Variants in ARHGAP22 observed in about 807,000 individuals in gnomAD.
ARHGAP22 encodes the protein Rho GTPase activating protein 22.
ARHGAP22 carries 48 observed loss-of-function variants against 59.1 expected under a neutral mutation model. The ratio of observed to expected loss-of-function variants is 0.81; its 90% CI spans 0.64 to 1.03. ARHGAP22 has a LOEUF of 1.03. Ranked by LOEUF, ARHGAP22 falls within the 50% of genes least tolerant of loss-of-function variation. The pLI is 0.00. For synonymous variants in ARHGAP22, 445 were observed against 416.4 expected (o/e 1.07, Z -0.84); for missense variants, 1,015 against 958.7 (o/e 1.06, Z -0.78).
chr10:48,517,739 G>T (rs1208972446), intron 3 of ARHGAP22, among the ~76,000 whole-genome samples: 1 of 152,150 alleles, frequency 6.6e-6, no homozygotes, highest in Non-Finnish European at 1.5e-5. Flanking sequence ...GCAGGTAGGA[G>T]GGGGTGCCGG....
intron 3 of ARHGAP22, among the ~76,000 whole-genome samples, chr10:48,495,393 G>A (rs2050811299): frequency 6.6e-6 from 1 of 152,238 alleles, no homozygotes. Context: ...ATTTACAGAT[G>A]AGAACACAGA....
chr10:48,497,163 T>G (rs1034008917), intron 3 of ARHGAP22, among the ~76,000 whole-genome samples: 10 of 152,148 alleles, frequency 6.6e-5, no homozygotes, highest in African/African-American at 2.4e-4. Flanking sequence ...TGCCTGCACA[T>G]ACAGGGCTAG....
At chr10:48,498,182 G>A (rs1488232703) in intron 3 of ARHGAP22, among the ~76,000 whole-genome samples, 3 of 152,110 alleles carry the variant, frequency 2.0e-5, no homozygotes, top group Non-Finnish European at 4.4e-5. Flanking sequence ...GTGGTGAAAG[G>A]AGAAAGCTGG....
chr10:48,477,554 G>A (rs965157604), intron 4 of ARHGAP22, among the ~76,000 whole-genome samples: 2 of 152,210 alleles, frequency 1.3e-5, no homozygotes, highest in African/African-American at 4.8e-5. Context: ...ACACAGGTGT[G>A]CACAGCATCA....
chr10:48,488,801 CATGGCTCA>C (rs2050095528), intron 3 of ARHGAP22, among the ~76,000 whole-genome samples: 1 of 152,076 alleles, frequency 6.6e-6, no homozygotes, highest in African/African-American at 2.4e-5. Context: ...GTGACGAGTG[CATGGCTCA>C]ATTCTCAAGG....
At chr10:48,585,257 A>C (rs1223186018) in intron 1 of ARHGAP22, among the ~76,000 whole-genome samples, 1 of 152,176 alleles carries the variant, frequency 6.6e-6, no homozygotes, top group Non-Finnish European at 1.5e-5. Flanking sequence ...CATTTGCTTG[A>C]TACACTGCTT....
intron 1 of ARHGAP22, among the ~76,000 whole-genome samples, chr10:48,648,969 T>C (rs937417338): frequency 6.6e-6 from 1 of 152,054 alleles, no homozygotes; most frequent in African/African-American, 2.4e-5. Flanking sequence ...TATGGAGAGA[T>C]GGAAGGGCCA....
intron 2 of ARHGAP22, among the ~76,000 whole-genome samples, chr10:48,574,313 G>A (rs1355036251): frequency 1.3e-5 from 2 of 152,162 alleles, no homozygotes; most frequent in African/African-American, 2.4e-5. Context: ...GTACCGCTAG[G>A]TGATAGGAAA....
At chr10:48,652,287 A>G in exon 1 of ARHGAP22, 1 of 1,535,724 alleles carries the variant, frequency 6.5e-7, no homozygotes, top group Non-Finnish European at 8.7e-7. Context: ...CGGCAGCATA[A>G]TGAAGCTGGC....
At chr10:48,453,795 C>A (rs1006284238) in intron 7 of ARHGAP22, among the ~76,000 whole-genome samples, 11 of 152,148 alleles carry the variant, frequency 7.2e-5, no homozygotes, top group African/African-American at 2.7e-4. Flanking sequence ...GGGGCAGATG[C>A]CGGGGGGACA....
intron 1 of ARHGAP22, among the ~76,000 whole-genome samples, chr10:48,602,699 C>T (rs2060456770): frequency 6.6e-6 from 1 of 152,138 alleles, no homozygotes; most frequent in African/African-American, 2.4e-5. Flanking sequence ...AATGATGTCC[C>T]CGAACAGAAA....
chr10:48,543,425 C>T (rs2056150954), intron 3 of ARHGAP22, among the ~76,000 whole-genome samples: 1 of 152,164 alleles, frequency 6.6e-6, no homozygotes, highest in Non-Finnish European at 1.5e-5. Flanking sequence ...GGTGGCTCAC[C>T]CACTCTGCTC....
At chr10:48,652,340 AC>A in exon 1 of ARHGAP22, 1 of 1,436,526 alleles carries the variant, frequency 7.0e-7, no homozygotes, top group Non-Finnish European at 9.5e-7. Flanking sequence ...TAAAGAACCA[AC>A]CACATCCTCA....
the ARHGAP22 span, chr10:48,431,195 T>A: frequency 6.3e-7 from 1 of 1,596,672 alleles, no homozygotes; most frequent in Admixed American, 1.7e-5. Flanking sequence ...TTTTACAGAA[T>A]TGATATATAA....
intron 1 of ARHGAP22, among the ~76,000 whole-genome samples, chr10:48,596,591 C>T (rs1028153293): frequency 3.3e-5 from 5 of 152,168 alleles, no homozygotes; most frequent in African/African-American, 1.2e-4. Flanking sequence ...GCTCCACTTC[C>T]AGGCTTTTCA....
At chr10:48,518,941 C>T (rs1589894415) in intron 3 of ARHGAP22, among the ~76,000 whole-genome samples, 2 of 152,336 alleles carry the variant, frequency 1.3e-5, no homozygotes, top group Admixed American at 1.3e-4. Flanking sequence ...GCCCGATTAG[C>T]TTTGGCCAAT....
chr10:48,528,887 A>T (rs2054573783), intron 3 of ARHGAP22, among the ~76,000 whole-genome samples: 1 of 152,102 alleles, frequency 6.6e-6, no homozygotes, highest in Non-Finnish European at 1.5e-5. Flanking sequence ...CCATGATTGT[A>T]AACTTCCTGA....
At chr10:48,440,491 AC>A in the ARHGAP22 span, among the ~76,000 whole-genome samples, 1 of 152,194 alleles carries the variant, frequency 6.6e-6, no homozygotes, top group Admixed American at 6.5e-5. Context: ...GAGGAGTTTC[AC>A]AAAGAAACTG....
At chr10:48,641,862 A>G (rs2062061624) in intron 1 of ARHGAP22, among the ~76,000 whole-genome samples, 1 of 152,194 alleles carries the variant, frequency 6.6e-6, no homozygotes, top group East Asian at 1.9e-4. Flanking sequence ...TCTCAGCCCA[A>G]AATCTCCTTA....
Sources: gnomAD v4.1 joint callset for allele counts (sites outside exome capture counted in the v4.1 genomes callset) on GRCh38, gnomAD v4.1.1 for gene constraint, MANE v1.5 for transcripts, NCBI Gene and HGNC (gene_info 2026-07-23, HGNC 2026-07-21) for gene names.